The following FER variants were observed in gnomAD, a reference collection of about 807,000 sequenced individuals.
The protein encoded by FER is tyrosine-protein kinase Fer.
Under a neutral mutation model 111.0 loss-of-function variants are expected in FER, and 63 were observed. That is an observed-to-expected ratio of 0.57 (90% CI 0.46 to 0.70). The LOEUF is 0.70. Among genes scored for constraint, FER ranks in the 30% least tolerant of loss-of-function variants. The pLI is 0.00. For missense variants in FER, 914 were observed against 954.0 expected (o/e 0.96, Z 0.55); for synonymous variants, 327 against 313.9 (o/e 1.04, Z -0.44).
chr5:108,827,127 G>C (rs571196789), intron 3 of FER, among the ~76,000 whole-genome samples: 1 of 152,106 alleles, frequency 6.6e-6, no homozygotes, highest in Non-Finnish European at 1.5e-5. Flanking sequence ...TTTGAATTTC[G>C]TACTTGTAAA....
intron 17 of FER, among the ~76,000 whole-genome samples, chr5:109,123,129 C>T (rs960411287): frequency 1.3e-5 from 2 of 150,066 alleles, no homozygotes; most frequent in Non-Finnish European, 3.0e-5. Flanking sequence ...GTTTTGTGGT[C>T]CCCTCTTATT....
At chr5:108,867,127 G>A (rs557740456) in intron 5 of FER, among the ~76,000 whole-genome samples, 3 of 152,156 alleles carry the variant, frequency 2.0e-5, no homozygotes, top group African/African-American at 7.2e-5. Context: ...ACTCAATATT[G>A]CAGTTCACAA....
chr5:108,904,833 A>G (rs1245076624), intron 10 of FER, among the ~76,000 whole-genome samples: 1 of 152,168 alleles, frequency 6.6e-6, no homozygotes, highest in South Asian at 2.1e-4. Context: ...TCAGTTTTGT[A>G]GATGAGTAAA....
chr5:109,055,866 A>AC (rs1773579809), intron 16 of FER, among the ~76,000 whole-genome samples: 1 of 148,800 alleles, frequency 6.7e-6, no homozygotes, highest in South Asian at 2.1e-4. Flanking sequence ...AAAAAAAAAA[A>AC]CCCAAAAAAC....
intron 13 of FER, among the ~76,000 whole-genome samples, chr5:108,978,181 A>G (rs1278234740): frequency 6.6e-6 from 1 of 152,166 alleles, no homozygotes; most frequent in Non-Finnish European, 1.5e-5. Context: ...TGTCATGTTT[A>G]GATGTTTGGA....
chr5:109,005,053 A>T (rs1053087746), intron 13 of FER, among the ~76,000 whole-genome samples: 1 of 152,068 alleles, frequency 6.6e-6, no homozygotes, highest in Non-Finnish European at 1.5e-5. Flanking sequence ...ATCCATCCCT[A>T]GGGATAAAGG....
At chr5:109,023,557 C>T (rs903568680) in intron 13 of FER, among the ~76,000 whole-genome samples, 2 of 152,074 alleles carry the variant, frequency 1.3e-5, no homozygotes, top group South Asian at 2.1e-4. Flanking sequence ...CCTACCTTTG[C>T]CTGCTTTCAG....
At chr5:109,147,784 T>C (rs1476167473) in intron 17 of FER, among the ~76,000 whole-genome samples, 1 of 96,596 alleles carries the variant, frequency 1.0e-5, no homozygotes, top group African/African-American at 4.0e-5. Flanking sequence ...CACATACATA[T>C]ATATATATAT....
chr5:109,149,169 G>A (rs900795378), intron 17 of FER, among the ~76,000 whole-genome samples: 2 of 152,048 alleles, frequency 1.3e-5, no homozygotes, highest in Admixed American at 6.6e-5. Context: ...GACCATATGT[G>A]TAACGTTATT....
At chr5:109,063,573 G>C (rs772340546) in intron 16 of FER, among the ~76,000 whole-genome samples, 2 of 152,272 alleles carry the variant, frequency 1.3e-5, no homozygotes, top group Admixed American at 6.5e-5. Flanking sequence ...TTAACCCATT[G>C]CCAATTATAT....
intron 16 of FER, among the ~76,000 whole-genome samples, chr5:109,056,878 G>A (rs1347784975): frequency 1.3e-5 from 2 of 152,092 alleles, no homozygotes; most frequent in African/African-American, 2.4e-5. Context: ...GGTAGTATTA[G>A]TCCGGTTTAT....
At chr5:109,101,224 A>G (rs1748194382) in intron 17 of FER, among the ~76,000 whole-genome samples, 1 of 151,960 alleles carries the variant, frequency 6.6e-6, no homozygotes, top group South Asian at 2.1e-4. Flanking sequence ...AAATATGGCT[A>G]AGTATAAATA....
chr5:109,137,089 T>C (rs1752974853), intron 17 of FER, among the ~76,000 whole-genome samples: 1 of 149,434 alleles, frequency 6.7e-6, no homozygotes, highest in African/African-American at 2.4e-5. Flanking sequence ...TTTTTCGTTG[T>C]GTCTTGATGT....
intron 16 of FER, among the ~76,000 whole-genome samples, chr5:109,073,662 A>G (rs1365541452): frequency 6.6e-6 from 1 of 152,126 alleles, no homozygotes; most frequent in Non-Finnish European, 1.5e-5. Flanking sequence ...CCAAATAATG[A>G]TTACACTTTT....
chr5:108,802,281 T>A (rs1322366862), intron 3 of FER, among the ~76,000 whole-genome samples: 1 of 152,116 alleles, frequency 6.6e-6, no homozygotes, highest in African/African-American at 2.4e-5. Context: ...ATAGATAAAT[T>A]TGGGGAAAAT....
chr5:109,023,453 A>G (rs752576697), intron 13 of FER, among the ~76,000 whole-genome samples: 5 of 152,118 alleles, frequency 3.3e-5, no homozygotes, highest in Non-Finnish European at 7.4e-5. Flanking sequence ...CAGGGGAACA[A>G]TGTGGACTCT....
chr5:109,062,113 GA>G (rs927942674), intron 16 of FER, among the ~76,000 whole-genome samples: 9 of 150,050 alleles, frequency 6.0e-5, no homozygotes, highest in South Asian at 2.1e-4. Flanking sequence ...TGGGTAATAT[GA>G]AAAAAAAACC....
chr5:108,793,244 C>A (rs1755582948), intron 2 of FER, among the ~76,000 whole-genome samples: 2 of 152,090 alleles, frequency 1.3e-5, no homozygotes, highest in South Asian at 4.1e-4. Context: ...CTGTGTCTGG[C>A]TTATTTCACT....
chr5:109,000,681 C>CA (rs1306720517), intron 13 of FER, among the ~76,000 whole-genome samples: 8 of 151,822 alleles, frequency 5.3e-5, no homozygotes, highest in Admixed American at 3.9e-4. Context: ...AATAGAGACA[C>CA]AAAAAACCCT....
Sources: gnomAD v4.1 joint callset for allele counts (sites outside exome capture counted in the v4.1 genomes callset) on GRCh38, gnomAD v4.1.1 for gene constraint, MANE v1.5 for transcripts, NCBI Gene and HGNC (gene_info 2026-07-23, HGNC 2026-07-21) for gene names.